PTP4A3: variants seen among roughly 807,000 people sequenced by gnomAD.
PTP4A3 encodes the protein protein tyrosine phosphatase 4A3.
Under a neutral mutation model 15.2 loss-of-function variants are expected in PTP4A3, and 9 were observed. The observed-to-expected ratio is 0.59, with a 90% CI of 0.36 to 1.03. PTP4A3 has a LOEUF of 1.03. Among genes scored for constraint, PTP4A3 ranks in the 50% least tolerant of loss-of-function variants. The probability of loss-of-function intolerance (pLI) is 0.02; values close to 1 mark genes in which losing one functional copy is unlikely to be tolerated. For missense variants in PTP4A3, 234 were observed against 252.1 expected (o/e 0.93, Z 0.49); for synonymous variants, 95 against 102.0 (o/e 0.93, Z 0.41).
rs1018228683 is a variant in PTP4A3 at position 141,420,982 on chromosome 8, C to T, written c.-853-406C>T. 7.9e-5 allele frequency among the ~76,000 whole-genome samples: 12 copies of T among 152,150 alleles called. No individual in the cohort carries two copies. In the East Asian group the frequency reaches 9.6e-4, roughly 12 times the overall value. On this transcript the variant is annotated intron_variant, in intron 1 of 5. Transcript: ENST00000521578. ...GGCAGCTGTCCTGGGGTGGAGTTTCCGCAGATCACAGCAGGTGGGCAGGGG... is the reference window on the plus strand; with the variant it reads ...GGCAGCTGTCCTGGGGTGGAGTTTCTGCAGATCACAGCAGGTGGGCAGGGG...
rs1833846845 is a variant in PTP4A3, at chr8:141,430,981, G to A, written c.459G>A (p.Arg153=). 6.2e-7 allele frequency: 1 copy of A among 1,613,252 alleles called. No individual in the cohort carries two copies. The highest frequency in any genetic ancestry group is 1.3e-5 in the African/African-American group (1 of 74,928). Reference sequence around the variant, plus strand: ...AGCTCACCTACCTGGAGAAATACCGGCCCAAACAGAGGCTGCGGTTCAAAG... The same window carrying A: ...AGCTCACCTACCTGGAGAAATACCGACCCAAACAGAGGCTGCGGTTCAAAG... ...SKQLTYLEKY[R]PKQRLRFKDP... The change falls in exon 6 of 6, where the codon CGG becomes CGA. Residue 153 remains arginine (R), a synonymous_variant. Coordinates refer to ENST00000521578, the MANE Select transcript of PTP4A3 (RefSeq NM_032611.3).
Position 141,430,840 on chromosome 8 carries a change from G to A in PTP4A3, c.405-87G>A, listed in dbSNP as rs1385155266. ...CCTCAAGGCCTTACTCCAGCCCACT[G>A]CACTCTCAGATTCCAGCTCCCTGGG... On this transcript the variant is annotated intron_variant, in intron 5 of 5. Transcript: ENST00000521578. 2.3e-6 allele frequency: 3 copies of A among 1,313,062 alleles called. No individual in the cohort carries two copies. In the East Asian group the frequency reaches 7.0e-5, roughly 31 times the overall value. The allele number at this position is 1,313,062 out of a possible 1,614,324, so 81.3% of individuals were successfully genotyped here. A position where few individuals can be genotyped will look rare whatever the true frequency, so the allele number is the denominator to read the frequency against.
At chr8:141,415,951 C>T (rs911058818) in intron 1 of PTP4A3, among the ~76,000 whole-genome samples, 10 of 151,908 alleles carry the variant, frequency 6.6e-5, no homozygotes, top group African/African-American at 2.2e-4. Context: ...CGGACTTGGG[C>T]CCGCTCTGGG....
At chr8:141,405,181 C>G (rs1437558989) in intron 1 of PTP4A3, among the ~76,000 whole-genome samples, 1 of 152,182 alleles carries the variant, frequency 6.6e-6, no homozygotes, top group Non-Finnish European at 1.5e-5. Context: ...AGGGCTTTGG[C>G]CCCCTGGTGA....
intron 1 of PTP4A3, among the ~76,000 whole-genome samples, chr8:141,393,614 A>G (rs1438697677): frequency 6.6e-6 from 1 of 152,208 alleles, no homozygotes; most frequent in African/African-American, 2.4e-5. Context: ...GGCGGGGATG[A>G]GATGCAGCCT....
intron 2 of PTP4A3, among the ~76,000 whole-genome samples, chr8:141,424,787 C>T (rs1032111948): frequency 1.3e-5 from 2 of 152,228 alleles, no homozygotes; most frequent in African/African-American, 4.8e-5. Flanking sequence ...GCCTGAAGTC[C>T]ACTCTTGGTG....
At chr8:141,395,915 TG>T in intron 1 of PTP4A3, among the ~76,000 whole-genome samples, 1 of 152,284 alleles carries the variant, frequency 6.6e-6, no homozygotes, top group South Asian at 2.1e-4. Flanking sequence ...GGAGTGGAAA[TG>T]CAGCACAGTC....
chr8:141,396,800 G>C (rs560843164), intron 1 of PTP4A3, among the ~76,000 whole-genome samples: 1 of 152,282 alleles, frequency 6.6e-6, no homozygotes, highest in South Asian at 2.1e-4. Flanking sequence ...ACAAGACCAC[G>C]CATAACCCGA....
chr8:141,412,837 A>G (rs769242067), intron 1 of PTP4A3, among the ~76,000 whole-genome samples: 3 of 152,226 alleles, frequency 2.0e-5, no homozygotes, highest in Non-Finnish European at 4.4e-5. Context: ...CTGGGAGCTC[A>G]GGAGAGGGGC....
intron 5 of PTP4A3, among the ~76,000 whole-genome samples, chr8:141,428,352 G>T (rs1833684680): frequency 1.3e-5 from 2 of 148,512 alleles, no homozygotes; most frequent in South Asian, 2.1e-4. Flanking sequence ...CCTGTCACTT[G>T]GTGGCCTCCC....
chr8:141,422,309 C>A lies in PTP4A3; in HGVS notation c.69C>A (p.His23Gln). 1 of 1,613,480 alleles carries A rather than the reference C, an allele frequency of 6.2e-7. No individual in the cohort carries two copies. Among genetic ancestry groups the A allele is most frequent in the Non-Finnish European group, 8.5e-7 (1 of 1,179,992 alleles). Residue 23 changes from histidine to glutamine, a missense_variant, in exon 2 of 6, where the codon CAC becomes CAA. Coordinates refer to ENST00000521578, the MANE Select transcript of PTP4A3 (RefSeq NM_032611.3). ...AACACATGCGCTTCCTCATCACCCA[C>A]AACCCCACCAACGCCACGCTCAGCA... ...SYKHMRFLIT[H>Q]NPTNATLSTF...
At chr8:141,412,381 C>T (rs185169896) in intron 1 of PTP4A3, among the ~76,000 whole-genome samples, 1 of 152,336 alleles carries the variant, frequency 6.6e-6, no homozygotes, top group East Asian at 1.9e-4. Context: ...GGATTGGCTC[C>T]CCTGCTAGAG....
chr8:141,416,838 T>G (rs1833071942), intron 1 of PTP4A3, among the ~76,000 whole-genome samples: 1 of 145,394 alleles, frequency 6.9e-6, no homozygotes, highest in African/African-American at 2.5e-5. Flanking sequence ...GAAGTGTGGG[T>G]GGGGAGAGCC....
intron 5 of PTP4A3, among the ~76,000 whole-genome samples, chr8:141,430,570 G>GC (rs752127152): frequency 1.2e-4 from 18 of 152,186 alleles, no homozygotes; most frequent in Non-Finnish European, 2.5e-4. Context: ...TTACTCACAG[G>GC]CCCCCCTTCC....
In PTP4A3 at chr8:141,420,588, C is replaced by A. The variant is rs144128256; in HGVS notation, c.-853-800C>A. 3.7e-3 allele frequency among the ~76,000 whole-genome samples: 570 copies of A among 152,358 alleles called. 2 individuals carry two copies. The highest frequency in any genetic ancestry group is 6.3e-3 in the Non-Finnish European group (429 of 68,024). Reference sequence around the variant, plus strand: ...ATGGTGTGAACCCACTCCTGGCCACCTGTGCTGTCACCACCTTGGCATGTG... The same window carrying A: ...ATGGTGTGAACCCACTCCTGGCCACATGTGCTGTCACCACCTTGGCATGTG... On this transcript the variant is annotated intron_variant, in intron 1 of 5. Transcript: ENST00000521578.
At chr8:141,423,015 C>A (rs1397100411) in intron 2 of PTP4A3, among the ~76,000 whole-genome samples, 1 of 152,240 alleles carries the variant, frequency 6.6e-6, no homozygotes, top group African/African-American at 2.4e-5. Flanking sequence ...GGGCCGTTTG[C>A]AGCGTCTGCA....
intron 5 of PTP4A3, among the ~76,000 whole-genome samples, chr8:141,428,071 G>A (rs538687217): frequency 2.0e-5 from 3 of 152,162 alleles, no homozygotes; most frequent in South Asian, 2.1e-4. Flanking sequence ...CGTCCTGCCC[G>A]CCCTCCACAG....
chr8:141,408,693 C>T (rs180954930), intron 1 of PTP4A3, among the ~76,000 whole-genome samples: 7 of 152,182 alleles, frequency 4.6e-5, no homozygotes, highest in African/African-American at 1.7e-4. Context: ...TAGGATAGCA[C>T]CCCCGCCTAC....
chr8:141,395,234 C>T (rs963271780), intron 1 of PTP4A3, among the ~76,000 whole-genome samples: 6 of 152,216 alleles, frequency 3.9e-5, no homozygotes, highest in South Asian at 4.1e-4. Context: ...CTCCTTGGGG[C>T]GCCTCAGGTC....
Sources: allele counts gnomAD v4.1 joint callset (sites outside exome capture counted in the v4.1 genomes callset), GRCh38; gene constraint gnomAD v4.1.1; transcripts MANE v1.5; gene names NCBI Gene and HGNC (gene_info 2026-07-23, HGNC 2026-07-21).